Variants in NEK11 observed in about 807,000 individuals in gnomAD.
The protein encoded by NEK11 is NIMA related kinase 11.
NEK11 carries 72 observed loss-of-function variants against 80.7 expected under a neutral mutation model. The ratio of observed to expected loss-of-function variants is 0.89; its 90% CI spans 0.74 to 1.08. The LOEUF (loss-of-function observed/expected upper bound fraction) is 1.08. NEK11 is among the 50% of genes least tolerant of loss of function. The pLI is 0.00. For synonymous variants in NEK11, 251 were observed against 260.7 expected, an observed-to-expected ratio of 0.96 and a Z score of 0.36; for missense variants, 764 against 763.6, an observed-to-expected ratio of 1.00 and a Z score of -0.01.
chr3:131,137,570 A>G (rs2085859843), intron 7 of NEK11, among the ~76,000 whole-genome samples: 1 of 152,186 alleles, frequency 6.6e-6, no homozygotes, highest in Non-Finnish European at 1.5e-5. Context: ...TTCCTAGGGA[A>G]TAAGCACTGG....
chr3:131,039,842 A>C (rs1260690585), intron 3 of NEK11, among the ~76,000 whole-genome samples: 2 of 152,224 alleles, frequency 1.3e-5, no homozygotes, highest in Non-Finnish European at 2.9e-5. Context: ...TCCATGTTTA[A>C]ATAGTGCACT....
rs142723321 is a variant in NEK11, at chr3:131,030,029, G to A, written c.170+151G>A. The A allele has an allele frequency of 1.5e-4, 99 of 682,012 alleles. No homozygotes were observed. In the East Asian group the frequency reaches 2.1e-3, roughly 14 times the overall value. 42.2% of individuals were successfully genotyped at this position (682,012 alleles called of 1,614,324 possible). A position where few individuals can be genotyped will look rare whatever the true frequency, so the allele number is the denominator to read the frequency against. On this transcript the variant is annotated intron_variant, in intron 3 of 17. Coordinates refer to ENST00000383366, the MANE Select transcript of NEK11 (RefSeq NM_024800.5). The stretch of plus-strand genomic sequence containing the variant: ...CCAAGGTTGGCAGATCACTTGAGGC[G>A]AGGAGTTCAAGACCAGCCTGGCCAA...
chr3:131,217,357 T>A (rs2094876567), intron 14 of NEK11, among the ~76,000 whole-genome samples: 1 of 151,826 alleles, frequency 6.6e-6, no homozygotes, highest in Admixed American at 6.6e-5. Flanking sequence ...GCTGGGAGAA[T>A]GGAAAGCTGG....
intron 17 of NEK11, among the ~76,000 whole-genome samples, chr3:131,316,614 G>GT: frequency 6.6e-6 from 1 of 152,124 alleles, no homozygotes; most frequent in East Asian, 1.9e-4. Flanking sequence ...GATTATGTGT[G>GT]TTTTTGCTTT....
chr3:131,174,855 C>T (rs2092917572), intron 14 of NEK11: 23 of 1,567,388 alleles, frequency 1.5e-5, no homozygotes, highest in Admixed American at 2.0e-5. Context: ...GAGCATGACT[C>T]CCTACCCCAC....
At chr3:131,207,350 G>A (rs1352707192) in intron 14 of NEK11, among the ~76,000 whole-genome samples, 4 of 152,158 alleles carry the variant, frequency 2.6e-5, no homozygotes, top group Non-Finnish European at 2.9e-5. Context: ...TTGGGAGGCT[G>A]AGGCGGGTGG....
rs976771456 is a variant in NEK11 at position 131,304,845 on chromosome 3, G to A, written c.1718+31271G>A. On this transcript the variant is annotated intron_variant, in intron 17 of 17. Transcript: ENST00000383366. ...CAATGGCAGTGGGATCTGTGTTCAC[G>A]CGCACATGCCATCAGCTGAGACATA... is the stretch of plus-strand genomic sequence containing the variant. 1.1e-4 allele frequency among the ~76,000 whole-genome samples: 16 copies of A among 152,240 alleles called. No individual in the cohort carries two copies. The East Asian group carries it at 1.9e-3, about 18-fold the overall frequency.
intron 4 of NEK11, among the ~76,000 whole-genome samples, chr3:131,098,046 C>A (rs112179318): frequency 1.5e-3 from 183 of 123,502 alleles, no homozygotes; most frequent in Non-Finnish European, 1.9e-3. Context: ...GAAAAACAAG[C>A]AATGGGGAAA....
At chr3:131,102,205 A>C (rs2078472271) in intron 4 of NEK11, among the ~76,000 whole-genome samples, 1 of 152,040 alleles carries the variant, frequency 6.6e-6, no homozygotes, top group Non-Finnish European at 1.5e-5. Flanking sequence ...TTAATATGTG[A>C]GATATTGATC....
At chr3:131,292,805 GTA>G (rs922189090) in intron 17 of NEK11, among the ~76,000 whole-genome samples, 7 of 151,980 alleles carry the variant, frequency 4.6e-5, no homozygotes, top group Admixed American at 4.6e-4. Context: ...TATAGATCTT[GTA>G]TATATTATGT....
chr3:131,087,345 G>A (rs2076127798), intron 4 of NEK11, among the ~76,000 whole-genome samples: 1 of 143,390 alleles, frequency 7.0e-6, no homozygotes, highest in South Asian at 2.2e-4. Context: ...CCAGGTTCAA[G>A]CAATTCTCCT....
intron 17 of NEK11, among the ~76,000 whole-genome samples, chr3:131,342,112 C>T (rs1335448392): frequency 1.3e-5 from 2 of 152,186 alleles, no homozygotes; most frequent in Non-Finnish European, 2.9e-5. Flanking sequence ...AGAAAGAGGC[C>T]TTCAAGGCAC....
intron 3 of NEK11, among the ~76,000 whole-genome samples, chr3:131,048,696 G>C (rs1012321949): frequency 6.6e-6 from 1 of 152,138 alleles, no homozygotes; most frequent in Non-Finnish European, 1.5e-5. Context: ...GGATCCTCTC[G>C]CTTTCCTGGT....
At chr3:131,166,237 T>A (rs1480678420) in intron 12 of NEK11, among the ~76,000 whole-genome samples, 1 of 152,248 alleles carries the variant, frequency 6.6e-6, no homozygotes, top group East Asian at 1.9e-4. Context: ...GAACTTCTAC[T>A]GTCTCAAATT....
rs1172148708 is a variant in NEK11, at chr3:131,251,449, A to C, written c.1621+7953A>C. 2.0e-5 allele frequency among the ~76,000 whole-genome samples: 3 copies of C among 152,090 alleles called. No individual in the cohort carries two copies. The East Asian group carries it at 5.8e-4, about 29-fold the overall frequency. The stretch of plus-strand genomic sequence containing the variant: ...TAAGGCTGGATTAAGACTTTTGGAC[A>C]CTTTGATTTCTGAGAAGATTATAGT... On this transcript the variant is annotated intron_variant, in intron 16 of 17. Transcript: ENST00000383366.
intron 3 of NEK11, among the ~76,000 whole-genome samples, chr3:131,054,808 G>A (rs577695204): frequency 1.3e-5 from 2 of 149,870 alleles, no homozygotes; most frequent in East Asian, 2.0e-4. Context: ...GAATGTACCC[G>A]GTAGATATGG....
chr3:131,257,477 TA>T (rs1171724693), intron 16 of NEK11, among the ~76,000 whole-genome samples: 3 of 152,274 alleles, frequency 2.0e-5, no homozygotes, highest in African/African-American at 4.8e-5. Flanking sequence ...TTTACTATAT[TA>T]ATGAGCTCCA....
chr3:131,109,040 C>T (rs1388301263), intron 4 of NEK11, among the ~76,000 whole-genome samples: 1 of 151,964 alleles, frequency 6.6e-6, no homozygotes, highest in Non-Finnish European at 1.5e-5. Context: ...ATATACAACT[C>T]TAAGTGTAAG....
At chr3:131,109,075 G>A (rs1392488162) in intron 4 of NEK11, among the ~76,000 whole-genome samples, 2 of 151,902 alleles carry the variant, frequency 1.3e-5, no homozygotes, top group Non-Finnish European at 1.5e-5. Context: ...GTTTTATGTG[G>A]GTGCATATAT....
Sources: allele counts gnomAD v4.1 joint callset (sites outside exome capture counted in the v4.1 genomes callset), GRCh38; gene constraint gnomAD v4.1.1; transcripts MANE v1.5; gene names NCBI Gene and HGNC (gene_info 2026-07-23, HGNC 2026-07-21).